Variants in KIF1B observed in about 807,000 individuals in gnomAD.
KIF1B encodes kinesin family member 1B.
Under a neutral mutation model 241.9 loss-of-function variants are expected in KIF1B, and 76 were observed. The ratio of observed to expected loss-of-function variants is 0.31; its 90% CI spans 0.26 to 0.38. The LOEUF (loss-of-function observed/expected upper bound fraction) is 0.38, where lower values mean the gene tolerates loss of function less well. Among genes scored for constraint, KIF1B ranks in the 10% least tolerant of loss-of-function variants. KIF1B has a pLI of 1.00. For missense variants in KIF1B, 1,622 were observed against 2,271.4 expected (o/e 0.71, Z 5.81); for synonymous variants, 750 against 796.7 (o/e 0.94, Z 0.99).
Position 10,337,117 on chromosome 1 carries a change from T to C in KIF1B, c.3173T>C (p.Leu1058Ser). Residue 1058 changes from leucine to serine, a missense_variant, in exon 30 of 49, where the codon TTG (leucine) becomes TCG (serine). Transcript: ENST00000676179. The surrounding 1 kb of genome is among the most constrained non-coding windows in gnomAD (Gnocchi z 4.0). ...GCAATGACTCGTTCTGGTCTGTCCT[T>C]GGAGGAGTTGAGGATTGTGGAAGGA... ...SVAMTRSGLS[L>S]EELRIVEGQG... 1 of 1,614,226 alleles carries C rather than the reference T, an allele frequency of 6.2e-7. No individual in the cohort carries two copies. Among genetic ancestry groups the C allele is most frequent in the Non-Finnish European group, 8.5e-7 (1 of 1,180,040 alleles).
chr1:10,252,271 C>T (rs1200865660), intron 2 of KIF1B, among the ~76,000 whole-genome samples: 5 of 151,982 alleles, frequency 3.3e-5, no homozygotes, highest in African/African-American at 9.7e-5. Context: ...AACTCCTGAC[C>T]TCAAGTGATC....
intron 34 of KIF1B, chr1:10,344,812 G>A (rs184668553): frequency 6.6e-6 from 1 of 152,236 alleles, no homozygotes; most frequent in Admixed American, 6.5e-5. Flanking sequence ...TAAATATTAG[G>A]GTCTACAGTT....
intron 27 of KIF1B, among the ~76,000 whole-genome samples, chr1:10,328,254 C>T (rs962333294): frequency 3.9e-5 from 6 of 152,012 alleles, no homozygotes; most frequent in African/African-American, 1.4e-4. Flanking sequence ...TGGTCGGAAC[C>T]TCATAACTAA....
At chr1:10,300,696 T>A (rs1393386380) in intron 22 of KIF1B, among the ~76,000 whole-genome samples, 1 of 152,214 alleles carries the variant, frequency 6.6e-6, no homozygotes, top group Non-Finnish European at 1.5e-5. Flanking sequence ...TTGTTTATGT[T>A]CTGTAAAATT....
At chr1:10,275,330 G>C (rs1284845108) in intron 10 of KIF1B, 98 bp from the exon 11 acceptor site, 3 of 741,658 alleles carry the variant, frequency 4.0e-6, no homozygotes, top group Admixed American at 3.8e-5. Flanking sequence ...GGGTTGTACT[G>C]TAATTTAATT....
intron 20 of KIF1B, 24 bp from the exon 21 acceptor site, chr1:10,296,873 C>T (rs1490297445): frequency 1.2e-6 from 2 of 1,606,560 alleles, no homozygotes; most frequent in Non-Finnish European, 1.7e-6. Flanking sequence ...TATTTCTTAA[C>T]CCTATTTTTC....
In KIF1B at chr1:10,361,148, T is replaced by C. The variant is rs771920563; in HGVS notation, c.4170+105T>C. ...AAGATTCCACTTGTTTTGTCCTCTTTCTTCCTCCACATCCTTAAGTTTTTC... is the reference window on the plus strand; with the variant it reads ...AAGATTCCACTTGTTTTGTCCTCTTCCTTCCTCCACATCCTTAAGTTTTTC... On this transcript the variant is annotated intron_variant, in intron 39 of 48. Transcript: ENST00000676179. 1.9e-4 allele frequency: 151 copies of C among 785,202 alleles called. 1 individual carries two copies. Among genetic ancestry groups the C allele is most frequent in the Non-Finnish European group, 2.2e-4 (97 of 434,596 alleles). 48.6% of individuals were successfully genotyped at this position (785,202 alleles called of 1,614,324 possible).
intron 15 of KIF1B, 75 bp from the exon 16 acceptor site, chr1:10,291,007 G>A: frequency 8.6e-7 from 1 of 1,166,950 alleles, no homozygotes. Flanking sequence ...GGCATGATTT[G>A]CTTCTTGCTT....
At chr1:10,362,011 T>A (rs1232309976) in intron 40 of KIF1B, among the ~76,000 whole-genome samples, 186 bp downstream of exon 40, 1 of 152,008 alleles carries the variant, frequency 6.6e-6, no homozygotes, top group African/African-American at 2.4e-5. Context: ...GATGGACGAG[T>A]TATGAGGGAA....
chr1:10,375,416 T>A, intron 48 of KIF1B, 43 bp downstream of exon 48: 1 of 1,514,912 alleles, frequency 6.6e-7, no homozygotes, highest in Non-Finnish European at 9.2e-7. Flanking sequence ...TGAGACGGAG[T>A]CTCACTTTTT....
intron 1 of KIF1B, among the ~76,000 whole-genome samples, chr1:10,217,942 G>T (rs564274557): frequency 1.3e-5 from 2 of 152,186 alleles, no homozygotes; most frequent in East Asian, 3.9e-4. Flanking sequence ...TTTTTCCCAG[G>T]AACTGCCTGT....
intron 38 of KIF1B, among the ~76,000 whole-genome samples, chr1:10,356,342 G>A (rs145792914): frequency 6.8e-4 from 104 of 152,060 alleles, no homozygotes; most frequent in African/African-American, 2.3e-3. Flanking sequence ...TCCAGCCTGG[G>A]CGACAGAGCG....
intron 22 of KIF1B, chr1:10,306,784 A>AAAT: frequency 3.5e-6 from 3 of 861,248 alleles, no homozygotes; most frequent in Non-Finnish European, 4.3e-6. Flanking sequence ...AAAAAAAAAA[A>AAAT]GGTAATATTT....
Position 10,371,128 on chromosome 1 carries a change from G to A in KIF1B, c.4825-13G>A. 1 of 1,614,040 alleles carries A rather than the reference G, an allele frequency of 6.2e-7. No homozygotes were observed. The highest frequency in any genetic ancestry group is 8.5e-7 in the Non-Finnish European group (1 of 1,180,002). ...CAGCTGAATGTAACTTGTAGTGTTC[G>A]GTTTGCTTCCAGTTGTCTGATATCT... On this transcript the variant is annotated splice_polypyrimidine_tract_variant and intron_variant, in intron 44 of 48. Transcript: ENST00000676179.
intron 23 of KIF1B, among the ~76,000 whole-genome samples, chr1:10,320,363 C>A (rs1035971409): frequency 6.6e-6 from 1 of 152,032 alleles, no homozygotes; most frequent in Non-Finnish European, 1.5e-5. Flanking sequence ...GACCTTCGCA[C>A]GGTTTCTGAG....
At chr1:10,372,779 G>A (rs1249874317) in intron 45 of KIF1B, among the ~76,000 whole-genome samples, 2 of 148,912 alleles carry the variant, frequency 1.3e-5, no homozygotes, top group African/African-American at 2.5e-5. Context: ...ACAGGTGCCC[G>A]CCACCACACC....
intron 34 of KIF1B, among the ~76,000 whole-genome samples, chr1:10,344,207 T>G (rs1263730452): frequency 6.6e-6 from 1 of 152,198 alleles, no homozygotes; most frequent in Non-Finnish European, 1.5e-5. Flanking sequence ...ATTGCCACCT[T>G]CCAGGATGAG....
chr1:10,242,266 C>T (rs570256131), intron 2 of KIF1B, among the ~76,000 whole-genome samples: 7 of 151,454 alleles, frequency 4.6e-5, no homozygotes, highest in Admixed American at 2.6e-4. Context: ...TACAGTCATG[C>T]GTTGAGAAAT....
intron 4 of KIF1B, among the ~76,000 whole-genome samples, chr1:10,260,886 C>G (rs34998724): frequency 3.0e-4 from 45 of 150,738 alleles, no homozygotes; most frequent in Middle Eastern, 3.5e-3. Flanking sequence ...AAAAAAGAAA[C>G]CACACACACA....
Sources: gnomAD v4.1 joint callset for allele counts (sites outside exome capture counted in the v4.1 genomes callset) on GRCh38, gnomAD v4.1.1 for gene constraint, Gnocchi (gnomAD v3.1) non-coding constraint, MANE v1.5 for transcripts, NCBI Gene and HGNC (gene_info 2026-07-23, HGNC 2026-07-21) for gene names.